The following POU2F1 variants were observed in gnomAD, a reference collection of about 807,000 sequenced individuals.
The protein encoded by POU2F1 is POU class 2 homeobox 1.
In POU2F1, 16 loss-of-function variants were observed where a neutral mutation model predicts 84.9. The observed-to-expected ratio is 0.19, with a 90% CI of 0.13 to 0.29. POU2F1 has a LOEUF of 0.29. Among genes scored for constraint, POU2F1 ranks in the 10% least tolerant of loss-of-function variants. The pLI, the probability that POU2F1 is intolerant of heterozygous loss-of-function variation, is 1.00. For missense variants in POU2F1, 738 were observed against 942.6 expected, an observed-to-expected ratio of 0.78 and a Z score of 2.84; for synonymous variants, 368 against 368.3, an observed-to-expected ratio of 1.00 and a Z score of 0.01.
At chr1:167,341,513 C>G (rs1371437827) in intron 2 of POU2F1, among the ~76,000 whole-genome samples, 2 of 152,100 alleles carry the variant, frequency 1.3e-5, no homozygotes, top group South Asian at 2.1e-4. Flanking sequence ...TCCCTGACCC[C>G]CCTTGCAGGA....
At chr1:167,380,031 C>T (rs546496541) in intron 7 of POU2F1, 10 of 152,180 alleles carry the variant, frequency 6.6e-5, no homozygotes, top group Admixed American at 1.3e-4. Context: ...CTGAGTTTCC[C>T]ATATTTCCCT....
At chr1:167,298,850 C>T (rs185835758) in intron 1 of POU2F1, among the ~76,000 whole-genome samples, 209 of 152,170 alleles carry the variant, frequency 1.4e-3, no homozygotes, top group African/African-American at 4.4e-3. Flanking sequence ...TCAGTTTCTT[C>T]GAAGTGCTGC....
chr1:167,228,805 G>C (rs1424938049), intron 1 of POU2F1, among the ~76,000 whole-genome samples: 1 of 152,054 alleles, frequency 6.6e-6, no homozygotes, highest in African/African-American at 2.4e-5. Flanking sequence ...ATCCTTTCTG[G>C]AGCAAGGCAG....
chr1:167,374,057 G>C, intron 5 of POU2F1, 51 bp from the exon 6 acceptor site: 1 of 1,584,522 alleles, frequency 6.3e-7, no homozygotes, highest in Non-Finnish European at 8.7e-7. Context: ...GCTTGCATTA[G>C]GAGACTTTCT....
At chr1:167,368,363 A>G (rs958710702) in intron 3 of POU2F1, among the ~76,000 whole-genome samples, 4 of 152,022 alleles carry the variant, frequency 2.6e-5, no homozygotes, top group African/African-American at 7.2e-5. Context: ...AAGCCGTATC[A>G]TATTGCTTTG....
rs533491915 is a variant in POU2F1, at chr1:167,339,495, T to C, written c.127+6960T>C. Among the ~76,000 whole-genome samples, 198 of 152,328 alleles carry C rather than the reference T, an allele frequency of 1.3e-3. 1 individual carries two copies. Among genetic ancestry groups the C allele is most frequent in the Admixed American group, 2.8e-3 (43 of 15,300 alleles). On this transcript the variant is annotated intron_variant, in intron 2 of 15. Transcript: ENST00000367866. ...GTAGGAAAAAACTAAATCAACTATT[T>C]TGATGTAAAGAAATATTGAGGGAAA... is the stretch of plus-strand genomic sequence containing the variant.
intron 6 of POU2F1, 64 bp downstream of exon 6, chr1:167,374,360 T>C: frequency 6.9e-7 from 1 of 1,453,504 alleles, no homozygotes; most frequent in South Asian, 1.4e-5. Context: ...TTTTATTTAA[T>C]GTTAGATTAA....
At chr1:167,359,183 C>CT (rs759660675) in intron 2 of POU2F1, among the ~76,000 whole-genome samples, 7 of 73,762 alleles carry the variant, frequency 9.5e-5, no homozygotes, top group South Asian at 1.0e-3. Flanking sequence ...ACACACTAGA[C>CT]TTTTTTTAAA....
chr1:167,234,619 A>T (rs895080257), intron 1 of POU2F1, among the ~76,000 whole-genome samples: 3 of 152,152 alleles, frequency 2.0e-5, no homozygotes, highest in Non-Finnish European at 4.4e-5. Flanking sequence ...CTATAGTCCT[A>T]ACTATTCTGG....
At chr1:167,336,410 T>A (rs1657451677) in intron 2 of POU2F1, among the ~76,000 whole-genome samples, 2 of 152,200 alleles carry the variant, frequency 1.3e-5, no homozygotes, top group Admixed American at 1.3e-4. Flanking sequence ...GATCTCTCTA[T>A]GTCCTTGAGT....
rs373780694 is a variant in POU2F1 at position 167,398,164 on chromosome 1, G to T, written c.1269+31G>T. 5.6e-6 allele frequency: 9 copies of T among 1,609,544 alleles called. No homozygotes were observed. The African/African-American group carries it at 1.1e-4, about 19-fold the overall frequency. On this transcript the variant is annotated intron_variant, in intron 11 of 15. Coordinates refer to ENST00000367866, the MANE Select transcript of POU2F1 (RefSeq NM_002697.4). ...TGAGGATTTTACTTTTCTGTACATG[G>T]GATTGTCTGTGTAGTACTTAACATT...
At chr1:167,408,178 T>C (rs944437937) in intron 13 of POU2F1, among the ~76,000 whole-genome samples, 5 of 152,204 alleles carry the variant, frequency 3.3e-5, no homozygotes, top group African/African-American at 1.2e-4. Flanking sequence ...AAAACTGTAA[T>C]GAGATACTAC....
At chr1:167,327,644 A>T (rs1571308365) in intron 1 of POU2F1, among the ~76,000 whole-genome samples, 1 of 152,174 alleles carries the variant, frequency 6.6e-6, no homozygotes, top group East Asian at 1.9e-4. Flanking sequence ...TACACACCTG[A>T]CTTTTAAACA....
intron 2 of POU2F1, among the ~76,000 whole-genome samples, chr1:167,362,307 A>G (rs1015569611): frequency 2.0e-5 from 3 of 152,098 alleles, no homozygotes; most frequent in Admixed American, 1.3e-4. Context: ...TTACCTTACT[A>G]CCTTTGAATA....
intron 1 of POU2F1, among the ~76,000 whole-genome samples, chr1:167,308,255 CG>C (rs971139037): frequency 6.6e-6 from 1 of 151,784 alleles, no homozygotes; most frequent in Non-Finnish European, 1.5e-5. Context: ...TTAATAGAGA[CG>C]GGGTTTCATG....
At chr1:167,264,749 T>A (rs908641021) in intron 1 of POU2F1, among the ~76,000 whole-genome samples, 3 of 152,138 alleles carry the variant, frequency 2.0e-5, no homozygotes, top group South Asian at 2.1e-4. Flanking sequence ...TTTAAAAAAA[T>A]TTATCATGGC....
At chr1:167,316,602 ATTAAC>A (rs1233814242) in intron 1 of POU2F1, among the ~76,000 whole-genome samples, 1 of 152,242 alleles carries the variant, frequency 6.6e-6, no homozygotes, top group Admixed American at 6.5e-5. Context: ...CTGAAGAATA[ATTAAC>A]TTAATGAGGA....
chr1:167,228,000 A>G (rs1403447791), intron 1 of POU2F1, among the ~76,000 whole-genome samples: 1 of 152,184 alleles, frequency 6.6e-6, no homozygotes, highest in African/African-American at 2.4e-5. Context: ...ATAAGAACAC[A>G]AGACTTCTAA....
At chr1:167,362,126 G>T (rs73024268) in intron 2 of POU2F1, among the ~76,000 whole-genome samples, 15,287 of 151,926 alleles carry the variant, frequency 0.1, 1,958 homozygotes, top group African/African-American at 0.31. Flanking sequence ...TCCTTTCCTT[G>T]TAGTCCAATT....
Sources: allele counts gnomAD v4.1 joint callset (sites outside exome capture counted in the v4.1 genomes callset), GRCh38; gene constraint gnomAD v4.1.1; transcripts MANE v1.5; gene names NCBI Gene and HGNC (gene_info 2026-07-23, HGNC 2026-07-21).